Variants in TMEM132C observed in about 807,000 individuals in gnomAD.
The protein encoded by TMEM132C is protein phosphatase 1, regulatory subunit 152.
TMEM132C carries 29 observed loss-of-function variants against 61.4 expected under a neutral mutation model. That is an observed-to-expected ratio of 0.47 (90% CI 0.35 to 0.64). The LOEUF (loss-of-function observed/expected upper bound fraction) is 0.64, where lower values mean the gene tolerates loss of function less well. Among genes scored for constraint, TMEM132C ranks in the 30% least tolerant of loss-of-function variants. The pLI is 0.00. For synonymous variants in TMEM132C, 656 were observed against 633.1 expected (o/e 1.04, Z -0.54); for missense variants, 1,408 against 1,476.9 (o/e 0.95, Z 0.76).
intron 1 of TMEM132C, among the ~76,000 whole-genome samples, chr12:128,319,354 CGA>C (rs71449340): frequency 1.5e-4 from 23 of 148,954 alleles, no homozygotes; most frequent in Admixed American, 2.0e-4. Context: ...TTTGCAGTCC[CGA>C]GAGAGAGAGA....
At chr12:128,354,049 T>A (rs192515500) in intron 1 of TMEM132C, among the ~76,000 whole-genome samples, 1 of 152,348 alleles carries the variant, frequency 6.6e-6, no homozygotes, top group East Asian at 1.9e-4. Flanking sequence ...GAAGCAGATC[T>A]TGCCAGGGTG....
intron 1 of TMEM132C, among the ~76,000 whole-genome samples, chr12:128,375,448 T>G (rs1196861875): frequency 1.3e-5 from 2 of 152,102 alleles, no homozygotes; most frequent in African/African-American, 2.4e-5. Context: ...CACCTGGTCT[T>G]TCTTAGCTTG....
chr12:128,500,727 G>A (rs1405467746), intron 2 of TMEM132C, among the ~76,000 whole-genome samples: 1 of 152,138 alleles, frequency 6.6e-6, no homozygotes, highest in Non-Finnish European at 1.5e-5. Context: ...CATTGATGAT[G>A]AGAATGTAAC....
At chr12:128,525,008 C>A (rs1873035757) in intron 2 of TMEM132C, among the ~76,000 whole-genome samples, 1 of 152,164 alleles carries the variant, frequency 6.6e-6, no homozygotes, top group South Asian at 2.1e-4. Flanking sequence ...AAGGATCCCG[C>A]CAGGATAACG....
chr12:128,299,202 A>C (rs143106013), intron 1 of TMEM132C, among the ~76,000 whole-genome samples: 52 of 152,326 alleles, frequency 3.4e-4, no homozygotes, highest in African/African-American at 9.6e-4. Flanking sequence ...GATATTGGTC[A>C]TGAGACTCAC....
chr12:128,408,350 G>A (rs1458526942), intron 1 of TMEM132C, among the ~76,000 whole-genome samples: 1 of 152,204 alleles, frequency 6.6e-6, no homozygotes. Flanking sequence ...AAGAATGAAT[G>A]ACAAGACAGC....
intron 1 of TMEM132C, among the ~76,000 whole-genome samples, chr12:128,401,377 TAGGC>T (rs200602077): frequency 0.013 from 1,982 of 152,138 alleles, 44 homozygotes; most frequent in African/African-American, 0.045. Flanking sequence ...TGCTCTGTCA[TAGGC>T]AGGAGAAACA....
intron 2 of TMEM132C, among the ~76,000 whole-genome samples, chr12:128,501,175 ACT>A (rs1044157349): frequency 4.2e-4 from 64 of 151,900 alleles, no homozygotes; most frequent in African/African-American, 1.4e-3. Flanking sequence ...TATAACTAAG[ACT>A]CTATTCCATG....
chr12:128,351,745 C>T (rs534862672), intron 1 of TMEM132C, among the ~76,000 whole-genome samples: 1 of 152,286 alleles, frequency 6.6e-6, no homozygotes, highest in South Asian at 2.1e-4. Context: ...AGAATCTCAT[C>T]AAGCTATCCA....
intron 4 of TMEM132C, among the ~76,000 whole-genome samples, chr12:128,622,360 A>AAAAAAAAAATATATAT (rs1277080166): frequency 2.0e-4 from 6 of 30,118 alleles, no homozygotes; most frequent in African/African-American, 3.3e-4. Flanking sequence ...AAAAAAAAAA[A>AAAAAAAAAATATATAT]ATATATATAT....
intron 1 of TMEM132C, among the ~76,000 whole-genome samples, chr12:128,273,265 G>T (rs1331428029): frequency 1.3e-5 from 2 of 151,938 alleles, no homozygotes; most frequent in Non-Finnish European, 2.9e-5. Flanking sequence ...TTTTTTTGTT[G>T]TTGTTCAATC....
intron 2 of TMEM132C, among the ~76,000 whole-genome samples, chr12:128,443,242 A>T (rs1869860279): frequency 6.6e-6 from 1 of 152,168 alleles, no homozygotes; most frequent in African/African-American, 2.4e-5. Context: ...CATAAAAATG[A>T]TAAAATGGAC....
intron 4 of TMEM132C, among the ~76,000 whole-genome samples, chr12:128,639,995 C>T (rs957343123): frequency 6.6e-6 from 1 of 152,144 alleles, no homozygotes; most frequent in Non-Finnish European, 1.5e-5. Context: ...AATCCAGATT[C>T]CTGACTTAAA....
At chr12:128,702,311 G>A (rs1020225950) in intron 8 of TMEM132C, among the ~76,000 whole-genome samples, 23 of 150,858 alleles carry the variant, frequency 1.5e-4, no homozygotes, top group African/African-American at 4.6e-4. Flanking sequence ...TTGTTGGTTC[G>A]TTTTATGTTA....
At chr12:128,330,183 C>T (rs140709586) in intron 1 of TMEM132C, among the ~76,000 whole-genome samples, 1 of 152,246 alleles carries the variant, frequency 6.6e-6, no homozygotes, top group Non-Finnish European at 1.5e-5. Flanking sequence ...CAAGTACACA[C>T]CTATGCACGT....
rs578230291 is a variant in TMEM132C, at chr12:128,406,269, G to T, written c.86-8463G>T. 1.1e-3 allele frequency among the ~76,000 whole-genome samples: 169 copies of T among 152,252 alleles called. 1 individual carries two copies. The highest frequency in any genetic ancestry group is 3.6e-3 in the African/African-American group (151 of 41,540). ...GTGAAGTGGCTTCGTCCCCCATCTG[G>T]CTTGCTTCATGTTTGGGCTATTGGT... On this transcript the variant is annotated intron_variant, in intron 1 of 8. Coordinates refer to ENST00000435159, the MANE Select transcript of TMEM132C (RefSeq NM_001136103.3).
At chr12:128,372,858 G>A (rs1255551383) in intron 1 of TMEM132C, among the ~76,000 whole-genome samples, 1 of 152,070 alleles carries the variant, frequency 6.6e-6, no homozygotes, top group East Asian at 1.9e-4. Context: ...CCTGGAGTTT[G>A]TACGTTTAAA....
At chr12:128,372,878 G>C (rs561910113) in intron 1 of TMEM132C, among the ~76,000 whole-genome samples, 31 of 152,228 alleles carry the variant, frequency 2.0e-4, no homozygotes, top group African/African-American at 7.2e-4. Flanking sequence ...AACCAAGTAG[G>C]TGCTGAATTT....
intron 2 of TMEM132C, among the ~76,000 whole-genome samples, chr12:128,534,908 G>A (rs893759461): frequency 1.3e-5 from 2 of 152,154 alleles, no homozygotes; most frequent in African/African-American, 2.4e-5. Context: ...ACTATTAAGC[G>A]GAAAGAACAA....
Sources: gnomAD v4.1 joint callset for allele counts (sites outside exome capture counted in the v4.1 genomes callset) on GRCh38, gnomAD v4.1.1 for gene constraint, MANE v1.5 for transcripts, NCBI Gene and HGNC (gene_info 2026-07-23, HGNC 2026-07-21) for gene names.